The following SP2 variants were observed in gnomAD, a reference collection of about 807,000 sequenced individuals.
SP2 encodes transcription factor Sp2.
SP2 carries 9 observed loss-of-function variants against 50.1 expected under a neutral mutation model. The observed-to-expected ratio is 0.18, with a 90% CI of 0.11 to 0.31. The LOEUF (loss-of-function observed/expected upper bound fraction) is 0.31. SP2 is among the 10% of genes least tolerant of loss of function. The pLI is 1.00. For missense variants in SP2, 581 were observed against 806.5 expected, an observed-to-expected ratio of 0.72 and a Z score of 3.39; for synonymous variants, 313 against 326.6, an observed-to-expected ratio of 0.96 and a Z score of 0.45.
intron 4 of SP2, among the ~76,000 whole-genome samples, chr17:47,923,614 G>T (rs2035543035): frequency 6.6e-6 from 1 of 152,244 alleles, no homozygotes; most frequent in African/African-American, 2.4e-5. Flanking sequence ...AATAGTTTGT[G>T]CTGCACTTCA....
intron 3 of SP2, among the ~76,000 whole-genome samples, chr17:47,921,016 G>T (rs1224519519): frequency 2.0e-5 from 3 of 152,076 alleles, no homozygotes; most frequent in Admixed American, 6.6e-5. Context: ...CATCCATGTT[G>T]TAGCATGTGT....
intron 1 of SP2, among the ~76,000 whole-genome samples, chr17:47,908,884 C>T (rs2034868965): frequency 6.6e-6 from 1 of 152,124 alleles, no homozygotes; most frequent in African/African-American, 2.4e-5. Context: ...ATCATTTGGT[C>T]CAACTTCCCA....
intron 3 of SP2, among the ~76,000 whole-genome samples, chr17:47,920,520 CTG>C (rs1166470526): frequency 6.6e-6 from 1 of 151,660 alleles, no homozygotes; most frequent in East Asian, 1.9e-4. Context: ...TCTCCTGACT[CTG>C]TGATCCGCCC....
chr17:47,915,584 A>G (rs972134715), intron 2 of SP2, among the ~76,000 whole-genome samples, 196 bp downstream of exon 2: 3 of 152,192 alleles, frequency 2.0e-5, no homozygotes, highest in African/African-American at 7.2e-5. Context: ...GGGGAAAAAC[A>G]AGGATTAAAC....
intron 4 of SP2, 71 bp from the exon 5 acceptor site, chr17:47,924,848 G>C: frequency 7.2e-7 from 1 of 1,380,890 alleles, no homozygotes; most frequent in East Asian, 2.3e-5. Flanking sequence ...GTCATGTGCA[G>C]AAGGGCAGAA....
chr17:47,917,244 C>A, intron 3 of SP2, 114 bp downstream of exon 3: 2 of 1,149,008 alleles, frequency 1.7e-6, no homozygotes, highest in Non-Finnish European at 2.5e-6. Context: ...GAGTCAGTAT[C>A]TTTTGGGGTG....
chr17:47,923,753 T>C (rs911512891), intron 4 of SP2, among the ~76,000 whole-genome samples: 9 of 151,736 alleles, frequency 5.9e-5, no homozygotes, highest in African/African-American at 1.7e-4. Flanking sequence ...CTTAATGAAT[T>C]TTTTTTTTGA....
chr17:47,923,381 TC>T, intron 4 of SP2, 107 bp downstream of exon 4: 2 of 907,044 alleles, frequency 2.2e-6, no homozygotes, highest in Non-Finnish European at 1.7e-6. Flanking sequence ...GAGGATGCTG[TC>T]CATCATAGCT....
intron 3 of SP2, among the ~76,000 whole-genome samples, chr17:47,919,938 G>A (rs552685440): frequency 6.7e-6 from 1 of 148,868 alleles, no homozygotes; most frequent in East Asian, 2.0e-4. Flanking sequence ...CTGGGTTCAA[G>A]CGATTCTCCT....
chr17:47,930,221 A>G (rs955907184), downstream of SP2, among the ~76,000 whole-genome samples: 5 of 152,250 alleles, frequency 3.3e-5, no homozygotes, highest in African/African-American at 1.2e-4. Flanking sequence ...CTGCATGACT[A>G]GAAAACTGCC....
intron 4 of SP2, among the ~76,000 whole-genome samples, chr17:47,923,523 C>T (rs2035539174): frequency 6.6e-6 from 1 of 152,248 alleles, no homozygotes; most frequent in Admixed American, 6.5e-5. Flanking sequence ...TTCCAACTGA[C>T]ATCCAAACGC....
chr17:47,907,832 G>T (rs1261062762), intron 1 of SP2, among the ~76,000 whole-genome samples: 1 of 152,170 alleles, frequency 6.6e-6, no homozygotes, highest in Admixed American at 6.5e-5. Flanking sequence ...TAAATATAAA[G>T]TTCCAAATTA....
At chr17:47,925,311 C>T in intron 5 of SP2, 37 bp from the exon 6 acceptor site, 1 of 1,580,070 alleles carries the variant, frequency 6.3e-7, no homozygotes, top group Non-Finnish European at 8.6e-7. Flanking sequence ...CTCTCCTCTT[C>T]CTATTCCCTC....
Position 47,916,546 on chromosome 17 carries a change from A to C in SP2, c.475A>C (p.Ile159Leu). The stretch of plus-strand genomic sequence containing the variant: ...CAATCTCACCAACCAGATCCAGATC[A>C]TCCCTGGCACCAACCAAGCCATCAT... The part of the protein sequence containing the change: ...QPNLTNQIQI[I>L]PGTNQAIITP... Residue 159 changes from isoleucine (I) to leucine (L), a missense_variant, in exon 3 of 7, where the codon ATC becomes CTC. Ile to Leu is a conservative substitution (Grantham distance 5). Transcript: ENST00000376741. This position sits in a 1 kb window ranked among gnomAD's most constrained non-coding sequence, Gnocchi z 4.7. The C allele has an allele frequency of 6.2e-7, 1 of 1,614,156 alleles. No homozygotes were observed. The highest frequency in any genetic ancestry group is 2.2e-5 in the East Asian group (1 of 44,880).
chr17:47,921,737 C>T (rs1054295737), intron 3 of SP2, among the ~76,000 whole-genome samples: 1 of 152,194 alleles, frequency 6.6e-6, no homozygotes, highest in East Asian at 1.9e-4. Flanking sequence ...TTCCCTGCCC[C>T]AACCCTGGAA....
chr17:47,897,738 C>A (rs2034396176), intron 1 of SP2: 3 of 429,816 alleles, frequency 7.0e-6, no homozygotes, highest in Non-Finnish European at 9.3e-6. Flanking sequence ...ATTACTAACA[C>A]AAAGAAACCC....
intron 1 of SP2, chr17:47,899,316 G>A (rs184929059): frequency 1.1e-4 from 17 of 152,272 alleles, no homozygotes; most frequent in African/African-American, 3.6e-4. Flanking sequence ...ATTGGAGCAA[G>A]GTGGAAAGAT....
intron 1 of SP2, among the ~76,000 whole-genome samples, chr17:47,901,441 G>T (rs2034538258): frequency 6.6e-6 from 1 of 150,572 alleles, no homozygotes; most frequent in African/African-American, 2.5e-5. Context: ...CACCGTGCCT[G>T]GCTTTGTTTT....
intron 3 of SP2, 126 bp from the exon 4 acceptor site, chr17:47,922,836 T>G: frequency 1.3e-6 from 1 of 771,460 alleles, no homozygotes; most frequent in Non-Finnish European, 2.1e-6. Context: ...TAAATGTAGG[T>G]TTGGGTGAAT....
Sources: gnomAD v4.1 joint callset for allele counts (sites outside exome capture counted in the v4.1 genomes callset) on GRCh38, gnomAD v4.1.1 for gene constraint, Gnocchi (gnomAD v3.1) non-coding constraint, MANE v1.5 for transcripts, NCBI Gene and HGNC (gene_info 2026-07-23, HGNC 2026-07-21) for gene names.